CPVL: variants seen among roughly 807,000 people sequenced by gnomAD.
CPVL encodes carboxypeptidase vitellogenic like, also known as probable serine carboxypeptidase CPVL.
Under a neutral mutation model 63.7 loss-of-function variants are expected in CPVL, and 51 were observed. The ratio of observed to expected loss-of-function variants is 0.80; its 90% CI spans 0.64 to 1.01. The LOEUF (loss-of-function observed/expected upper bound fraction) is 1.01, where lower values mean the gene tolerates loss of function less well. Ranked by LOEUF, CPVL falls within the 50% of genes least tolerant of loss-of-function variation. The probability of loss-of-function intolerance (pLI) is 0.00; values close to 1 mark genes in which losing one functional copy is unlikely to be tolerated. For synonymous variants in CPVL, 195 were observed against 206.0 expected (o/e 0.95, Z 0.46); for missense variants, 530 against 573.1 (o/e 0.92, Z 0.77).
At chr7:29,151,212 C>A (rs149729647), upstream of CPVL, among the ~76,000 whole-genome samples, 1 of 152,276 alleles carries the variant, frequency 6.6e-6, no homozygotes, top group African/African-American at 2.4e-5. Context: ...GTAATTATTT[C>A]TAATAAGTGC....
At chr7:29,163,174 A>G (rs1402403203) in intron 5 of CPVL, among the ~76,000 whole-genome samples, 4 of 152,264 alleles carry the variant, frequency 2.6e-5, no homozygotes, top group South Asian at 4.1e-4. Context: ...TTATGGGAAA[A>G]TTTTTAAGCA....
chr7:29,173,297 C>T (rs554405429), intron 5 of CPVL, among the ~76,000 whole-genome samples: 1 of 152,192 alleles, frequency 6.6e-6, no homozygotes, highest in East Asian at 1.9e-4. Flanking sequence ...ATGCATCTGC[C>T]AGGTGCTGGT....
At chr7:29,172,453 C>T (rs1796726097) in intron 5 of CPVL, among the ~76,000 whole-genome samples, 1 of 152,112 alleles carries the variant, frequency 6.6e-6, no homozygotes, top group Non-Finnish European at 1.5e-5. Context: ...CATATTGCCA[C>T]CCATTTATCA....
chr7:29,069,769 AATGTGTGTGTGTGTGTGT>A (rs1214797672), intron 9 of CPVL, among the ~76,000 whole-genome samples: 19 of 114,698 alleles, frequency 1.7e-4, no homozygotes, highest in Non-Finnish European at 2.4e-4. Flanking sequence ...CTCACCAGTA[AATGTGTGTGTGTGTGTGT>A]GTGTGTGTGT....
intron 11 of CPVL, among the ~76,000 whole-genome samples, chr7:29,055,799 T>C (rs562367674): frequency 6.6e-6 from 1 of 152,208 alleles, no homozygotes; most frequent in Non-Finnish European, 1.5e-5. Flanking sequence ...TTTTCTGGTG[T>C]TGTTTTTGTT....
intron 7 of CPVL, among the ~76,000 whole-genome samples, chr7:29,074,893 CAT>C (rs1784092378): frequency 6.6e-6 from 1 of 151,722 alleles, no homozygotes; most frequent in Non-Finnish European, 1.5e-5. Context: ...ATGACTGACA[CAT>C]GATAGAGCAA....
intron 12 of CPVL, among the ~76,000 whole-genome samples, chr7:29,017,351 C>T (rs959596690): frequency 4.6e-5 from 7 of 152,150 alleles, no homozygotes; most frequent in Non-Finnish European, 1.5e-5. Context: ...AAAACCCAAT[C>T]GGCTGGGCGT....
chr7:29,046,130 G>GT (rs531320512), intron 11 of CPVL, among the ~76,000 whole-genome samples: 29 of 141,566 alleles, frequency 2.0e-4, no homozygotes, highest in African/African-American at 6.3e-4. Context: ...TGTCACCCAA[G>GT]TTGGAGTGCA....
chr7:29,128,146 A>G (rs1790241312), intron 1 of CPVL: 1 of 150,444 alleles, frequency 6.6e-6, no homozygotes, highest in Non-Finnish European at 1.5e-5. Context: ...TCCTGGGACA[A>G]CCAATAAAAA....
At chr7:29,073,232 T>G (rs532183445) in intron 7 of CPVL, among the ~76,000 whole-genome samples, 2 of 152,274 alleles carry the variant, frequency 1.3e-5, no homozygotes, top group South Asian at 4.2e-4. Flanking sequence ...AGGCCAACAA[T>G]CTTGGTGCCA....
At chr7:29,180,496 GGCGACAGA>G (rs1307727745) in intron 5 of CPVL, among the ~76,000 whole-genome samples, 81 of 151,840 alleles carry the variant, frequency 5.3e-4, no homozygotes, top group African/African-American at 1.8e-3. Context: ...CACTGCACTG[GGCGACAGA>G]GCGACAGAGC....
At chr7:29,158,843 T>C (rs1445782737) in intron 5 of CPVL, among the ~76,000 whole-genome samples, 1 of 152,226 alleles carries the variant, frequency 6.6e-6, no homozygotes, top group Non-Finnish European at 1.5e-5. Context: ...GAGATACTTC[T>C]GACATTCCAA....
At chr7:29,086,420 A>G in intron 7 of CPVL, 64 bp downstream of exon 7, 1 of 1,119,220 alleles carries the variant, frequency 8.9e-7, no homozygotes, top group Non-Finnish European at 1.4e-6. Context: ...AACAAACTAC[A>G]CTCATAATAT....
intron 6 of CPVL, among the ~76,000 whole-genome samples, chr7:29,091,224 G>A (rs74709726): frequency 0.052 from 7,896 of 152,256 alleles, 236 homozygotes; most frequent in Middle Eastern, 0.082. Flanking sequence ...ATCCCCATAT[G>A]GAGGGGCAAC....
chr7:29,059,627 C>T (rs1791075198), intron 11 of CPVL, among the ~76,000 whole-genome samples: 1 of 152,140 alleles, frequency 6.6e-6, no homozygotes. Flanking sequence ...AAGTATTCAA[C>T]AAAATCCAAC....
rs150521068 is a variant in CPVL at position 29,018,578 on chromosome 7, C to T, written c.1320+11999G>A. Reference sequence around the variant, plus strand: ...ATTTTTAGTAGAGATGAAGTTTCACCATGTTGGCCAGGCTGGTCTCGAACT... The same window carrying T: ...ATTTTTAGTAGAGATGAAGTTTCACTATGTTGGCCAGGCTGGTCTCGAACT... On this transcript the variant is annotated intron_variant, in intron 12 of 12. Coordinates refer to ENST00000265394, the MANE Select transcript of CPVL (RefSeq NM_031311.5). 9.7e-3 allele frequency among the ~76,000 whole-genome samples: 1,475 copies of T among 152,052 alleles called. 25 individuals are homozygous for T. Among genetic ancestry groups the T allele is most frequent in the African/African-American group, 0.034 (1,402 of 41,468 alleles).
intron 1 of CPVL, among the ~76,000 whole-genome samples, chr7:29,136,384 A>G (rs1463000223): frequency 6.6e-6 from 1 of 152,228 alleles, no homozygotes; most frequent in East Asian, 1.9e-4. Flanking sequence ...GCATATTTAC[A>G]TAATAAGGTA....
intron 6 of CPVL, among the ~76,000 whole-genome samples, chr7:29,087,423 C>CAAAAAA (rs56726137): frequency 1.3e-4 from 9 of 71,372 alleles, no homozygotes; most frequent in Non-Finnish European, 1.8e-4. Flanking sequence ...GACTCTGTCT[C>CAAAAAA]AAAAAAAAAA....
intron 11 of CPVL, among the ~76,000 whole-genome samples, chr7:29,037,485 GGA>G (rs1312680654): frequency 4.0e-5 from 6 of 149,372 alleles, no homozygotes; most frequent in Non-Finnish European, 8.9e-5. Flanking sequence ...CCTGGGAGGC[GGA>G]GCTTGCAGTG....
Sources: allele counts gnomAD v4.1 joint callset (sites outside exome capture counted in the v4.1 genomes callset), GRCh38; gene constraint gnomAD v4.1.1; transcripts MANE v1.5; gene names NCBI Gene and HGNC (gene_info 2026-07-23, HGNC 2026-07-21).